KIF16B: variants seen among roughly 807,000 people sequenced by gnomAD.
KIF16B encodes the protein kinesin family member 16B.
Under a neutral mutation model 156.3 loss-of-function variants are expected in KIF16B, and 98 were observed. That is an observed-to-expected ratio of 0.63 (90% confidence interval 0.53 to 0.74). KIF16B has a LOEUF of 0.74. Ranked by LOEUF, KIF16B falls within the 30% of genes least tolerant of loss-of-function variation. KIF16B has a pLI of 0.00. For missense variants in KIF16B, 1,421 were observed against 1,606.5 expected, an observed-to-expected ratio of 0.88 and a Z score of 1.97; for synonymous variants, 564 against 583.7, an observed-to-expected ratio of 0.97 and a Z score of 0.49.
chr20:16,546,371 T>TTCA (rs1367400873), intron 1 of KIF16B, among the ~76,000 whole-genome samples: 4 of 152,204 alleles, frequency 2.6e-5, no homozygotes, highest in Admixed American at 2.6e-4. Context: ...AATCTATGTG[T>TTCA]TCATCTTCAT....
chr20:16,526,913 A>G (rs1030632250), intron 2 of KIF16B, among the ~76,000 whole-genome samples: 2 of 152,232 alleles, frequency 1.3e-5, no homozygotes, highest in South Asian at 2.1e-4. Flanking sequence ...TCTTATGAAA[A>G]CACTAAAAGT....
At chr20:16,527,577 T>C (rs1000218237) in intron 2 of KIF16B, among the ~76,000 whole-genome samples, 12 of 152,176 alleles carry the variant, frequency 7.9e-5, no homozygotes, top group African/African-American at 2.7e-4. Context: ...TTGTTGTTGT[T>C]TTTTTGTTTG....
chr20:16,297,061 T>C (rs989230451), intron 25 of KIF16B, among the ~76,000 whole-genome samples: 1 of 152,232 alleles, frequency 6.6e-6, no homozygotes, highest in Non-Finnish European at 1.5e-5. Flanking sequence ...GACTTGAGCC[T>C]GCTGGCTTTC....
chr20:16,367,186 T>A (rs771459786), intron 22 of KIF16B: 1 of 1,610,610 alleles, frequency 6.2e-7, no homozygotes, highest in Admixed American at 1.7e-5. Context: ...AAGAGCCTCA[T>A]CTTGAGAATT....
At chr20:16,279,933 A>G (rs1039222999) in intron 25 of KIF16B, among the ~76,000 whole-genome samples, 8 of 152,236 alleles carry the variant, frequency 5.3e-5, no homozygotes, top group Admixed American at 3.9e-4. Context: ...TTAGTCCATT[A>G]TATTAGAGCT....
At chr20:16,559,340 T>C (rs753926773) in intron 1 of KIF16B, among the ~76,000 whole-genome samples, 14 of 152,216 alleles carry the variant, frequency 9.2e-5, no homozygotes, top group Non-Finnish European at 1.3e-4. Flanking sequence ...ATCTTTTGAA[T>C]GGACAGAGGT....
intron 21 of KIF16B, 121 bp downstream of exon 21, chr20:16,371,544 G>A (rs996879167): frequency 8.2e-6 from 5 of 606,766 alleles, no homozygotes; most frequent in Non-Finnish European, 1.4e-5. Flanking sequence ...GAGCCAAGAT[G>A]GTGCCACTGC....
chr20:16,423,847 G>A (rs758721843), intron 15 of KIF16B, among the ~76,000 whole-genome samples: 60 of 151,898 alleles, frequency 4.0e-4, no homozygotes, highest in Non-Finnish European at 7.4e-4. Context: ...TCACTGAAGG[G>A]GTTGTCAGTG....
chr20:16,506,262 A>T, intron 7 of KIF16B, 72 bp from the exon 8 acceptor site: 1 of 1,289,670 alleles, frequency 7.8e-7, no homozygotes, highest in Non-Finnish European at 1.1e-6. Flanking sequence ...ATGAATTCTA[A>T]CTATTTTCTG....
At chr20:16,541,505 T>C (rs2070197425) in intron 1 of KIF16B, among the ~76,000 whole-genome samples, 1 of 152,198 alleles carries the variant, frequency 6.6e-6, no homozygotes, top group South Asian at 2.1e-4. Context: ...GAGTCTCCCA[T>C]GCTAAGTGAA....
At chr20:16,416,213 A>G (rs2146343928) in intron 15 of KIF16B, among the ~76,000 whole-genome samples, 1 of 152,244 alleles carries the variant, frequency 6.6e-6, no homozygotes, top group Non-Finnish European at 1.5e-5. Context: ...CTTTAGTTTA[A>G]TTAGATCTCA....
chr20:16,290,705 C>A (rs181683030), intron 25 of KIF16B, among the ~76,000 whole-genome samples: 28 of 152,202 alleles, frequency 1.8e-4, no homozygotes, highest in African/African-American at 6.7e-4. Flanking sequence ...GGACTGTGGC[C>A]CCGAGTGGTG....
chr20:16,349,814 G>A (rs887044517), intron 23 of KIF16B, among the ~76,000 whole-genome samples: 4 of 152,196 alleles, frequency 2.6e-5, no homozygotes, highest in Admixed American at 6.5e-5. Flanking sequence ...GGTCTTTTAA[G>A]TTCAGGGAGG....
chr20:16,431,720 T>C (rs1029357302), intron 12 of KIF16B, among the ~76,000 whole-genome samples: 2 of 151,942 alleles, frequency 1.3e-5, no homozygotes, highest in Non-Finnish European at 2.9e-5. Context: ...TGAGAAACAT[T>C]GCCCTAGACA....
chr20:16,372,385 T>C (rs1172141686), intron 20 of KIF16B, among the ~76,000 whole-genome samples: 1 of 152,158 alleles, frequency 6.6e-6, no homozygotes, highest in Non-Finnish European at 1.5e-5. Flanking sequence ...CCAAAATGCC[T>C]AGGACAGGCC....
intron 23 of KIF16B, among the ~76,000 whole-genome samples, chr20:16,355,999 T>C (rs1419689041): frequency 6.6e-6 from 1 of 152,214 alleles, no homozygotes; most frequent in East Asian, 1.9e-4. Context: ...CCTGGTTTGC[T>C]CAGGACTGTG....
intron 6 of KIF16B, among the ~76,000 whole-genome samples, chr20:16,508,371 T>C (rs1199345180): frequency 1.3e-5 from 2 of 152,178 alleles, no homozygotes; most frequent in Non-Finnish European, 2.9e-5. Flanking sequence ...CACGTGATCA[T>C]GTGTACCTAC....
chr20:16,512,444 T>C (rs1347235085), intron 5 of KIF16B, among the ~76,000 whole-genome samples: 2 of 152,138 alleles, frequency 1.3e-5, no homozygotes, highest in African/African-American at 4.8e-5. Flanking sequence ...CACTCAGATT[T>C]ACTTGTAGAT....
At chr20:16,439,566 C>G (rs2066738579) in intron 12 of KIF16B, among the ~76,000 whole-genome samples, 1 of 152,122 alleles carries the variant, frequency 6.6e-6, no homozygotes, top group African/African-American at 2.4e-5. Context: ...ATAGCTTGCC[C>G]TTTCTTGTCA....
Sources: allele counts gnomAD v4.1 joint callset (sites outside exome capture counted in the v4.1 genomes callset), GRCh38; gene constraint gnomAD v4.1.1; transcripts MANE v1.5; gene names NCBI Gene and HGNC (gene_info 2026-07-23, HGNC 2026-07-21).